The following ESRRB variants were observed in gnomAD, a reference collection of about 807,000 sequenced individuals.
ESRRB encodes the protein estrogen related receptor beta.
ESRRB carries 16 observed loss-of-function variants against 46.0 expected under a neutral mutation model. That is an observed-to-expected ratio of 0.35 (90% confidence interval 0.24 to 0.53). ESRRB has a LOEUF of 0.53. ESRRB is among the 20% of genes least tolerant of loss of function. The pLI is 0.93. For missense variants in ESRRB, 488 were observed against 607.4 expected (o/e 0.80, Z 2.07); for synonymous variants, 246 against 259.6 (o/e 0.95, Z 0.50).
intron 1 of ESRRB, among the ~76,000 whole-genome samples, chr14:76,357,341 C>T (rs1189235656): frequency 6.6e-6 from 1 of 152,146 alleles, no homozygotes; most frequent in East Asian, 1.9e-4. Context: ...GTCATTTCTC[C>T]TCGGACAGCT....
At chr14:76,434,486 A>G (rs1447542425) in intron 1 of ESRRB, among the ~76,000 whole-genome samples, 4 of 151,708 alleles carry the variant, frequency 2.6e-5, no homozygotes, top group African/African-American at 9.7e-5. Context: ...CCCTGTCTCT[A>G]CCAAAAAAAA....
intron 1 of ESRRB, among the ~76,000 whole-genome samples, chr14:76,420,950 C>A (rs1886929227): frequency 6.6e-6 from 1 of 152,144 alleles, no homozygotes; most frequent in Non-Finnish European, 1.5e-5. Flanking sequence ...TGAGGTGTGC[C>A]CAGGTATTCA....
At position 76,500,134 on chromosome 14, in the gene ESRRB, C is replaced by T. The variant is rs1015083652; in HGVS notation, c.*1676C>T. The T allele has an allele frequency of 1.7e-5, 23 of 1,377,340 alleles. No homozygotes were observed. Among genetic ancestry groups the T allele is most frequent in the Admixed American group, 4.2e-5 (2 of 47,718 alleles). The allele number at this position is 1,377,340 out of a possible 1,614,324, so 85.3% of individuals were successfully genotyped here. A position where few individuals can be genotyped will look rare whatever the true frequency, so the allele number is the denominator to read the frequency against. On this transcript the variant is annotated 3_prime_UTR_variant, in exon 7 of 7. Transcript: ENST00000644823. ...CCTTGGCTCTACCCCAGGAACCTCCCGGCCTGGGCTTCTGGGCTGGGACGT... is the reference window on the plus strand; with the variant it reads ...CCTTGGCTCTACCCCAGGAACCTCCTGGCCTGGGCTTCTGGGCTGGGACGT...
intron 1 of ESRRB, among the ~76,000 whole-genome samples, chr14:76,399,877 G>T (rs1885863264): frequency 6.6e-6 from 1 of 152,172 alleles, no homozygotes; most frequent in Non-Finnish European, 1.5e-5. Flanking sequence ...AGATGCTGCC[G>T]TTTCAAGGAG....
intron 1 of ESRRB, among the ~76,000 whole-genome samples, chr14:76,333,149 T>TA (rs1252735882): frequency 0.013 from 185 of 14,304 alleles, 77 homozygotes; most frequent in Middle Eastern, 0.2. Context: ...ATATTATATA[T>TA]TATATATAAT....
At chr14:76,430,047 A>G (rs891162341) in intron 1 of ESRRB, among the ~76,000 whole-genome samples, 2 of 151,820 alleles carry the variant, frequency 1.3e-5, no homozygotes, top group African/African-American at 4.8e-5. Flanking sequence ...CCTCCCATGT[A>G]ATAAGTGCCC....
chr14:76,440,868 T>A (rs1205172892), intron 2 of ESRRB, among the ~76,000 whole-genome samples: 1 of 152,062 alleles, frequency 6.6e-6, no homozygotes, highest in Non-Finnish European at 1.5e-5. Context: ...CCCCCGTCTC[T>A]ACTAAAAATA....
intron 1 of ESRRB, among the ~76,000 whole-genome samples, chr14:76,316,086 A>G (rs1883796569): frequency 6.6e-6 from 1 of 152,196 alleles, no homozygotes; most frequent in African/African-American, 2.4e-5. Context: ...CTGGCTGTGC[A>G]ACCAACAGGG....
intron 3 of ESRRB, among the ~76,000 whole-genome samples, chr14:76,478,384 A>G (rs529187368): frequency 2.0e-3 from 297 of 152,282 alleles, no homozygotes; most frequent in Middle Eastern, 3.4e-3. Context: ...AGATGGAGAC[A>G]TCGGCAGAGG....
intron 1 of ESRRB, among the ~76,000 whole-genome samples, chr14:76,395,458 T>C (rs1196755977): frequency 6.6e-6 from 1 of 152,106 alleles, no homozygotes; most frequent in East Asian, 1.9e-4. Flanking sequence ...AGACAGCCCC[T>C]GTGTGGTGCA....
intron 1 of ESRRB, among the ~76,000 whole-genome samples, chr14:76,319,332 C>T (rs1364259117): frequency 1.3e-5 from 2 of 152,208 alleles, no homozygotes; most frequent in East Asian, 3.8e-4. Context: ...GGCAATTTCT[C>T]ATGCCTCTGA....
At position 76,479,657 on chromosome 14, in the gene ESRRB, T is replaced by C. The variant is rs544804221; in HGVS notation, c.578-2359T>C. Among the ~76,000 whole-genome samples the C allele has an allele frequency of 1.9e-3, 285 of 152,262 alleles. 3 individuals carry two copies. The highest frequency in any genetic ancestry group is 6.7e-3 in the African/African-American group (280 of 41,552). On this transcript the variant is annotated intron_variant, in intron 3 of 6. Coordinates refer to ENST00000644823, the MANE Select transcript of ESRRB (RefSeq NM_001379180.1). ...TACTGGCCAGGGGCTGCCTACACTC[T>C]GCTGGGGAGGCGCTGCTGGTCTGAT...
At chr14:76,406,937 A>G (rs1049787658) in intron 1 of ESRRB, among the ~76,000 whole-genome samples, 2 of 152,236 alleles carry the variant, frequency 1.3e-5, no homozygotes, top group Non-Finnish European at 2.9e-5. Flanking sequence ...TCCTGCGGGC[A>G]GGGAATGTGT....
chr14:76,414,415 G>A (rs1172301361), intron 1 of ESRRB, among the ~76,000 whole-genome samples: 1 of 151,186 alleles, frequency 6.6e-6, no homozygotes, highest in African/African-American at 2.4e-5. Context: ...GGTACTTAGA[G>A]CAGTGCCTGG....
At chr14:76,355,538 C>A (rs1884369407) in intron 1 of ESRRB, among the ~76,000 whole-genome samples, 1 of 152,108 alleles carries the variant, frequency 6.6e-6, no homozygotes, top group Non-Finnish European at 1.5e-5. Context: ...CAAGACTTTC[C>A]CAGGCCAGTC....
chr14:76,501,161 A>T lies in ESRRB; in HGVS notation c.*2703A>T. On this transcript the variant is annotated 3_prime_UTR_variant, in exon 7 of 7. Coordinates refer to ENST00000644823, the MANE Select transcript of ESRRB (RefSeq NM_001379180.1). ...TTTCTGGAAAATCTGTAAAGAGGAA[A>T]CAGCCTGTCTCAGCTGTACTCTCAT... 4.9e-6 allele frequency: 1 copy of T among 202,792 alleles called. No homozygotes were observed. Among genetic ancestry groups the T allele is most frequent in the Non-Finnish European group, 1.0e-5 (1 of 99,054 alleles). The allele number at this position is 202,792 out of a possible 1,614,324, so 12.6% of individuals were successfully genotyped here.
chr14:76,375,130 C>T (rs1046811730), upstream of ESRRB, among the ~76,000 whole-genome samples: 3 of 150,386 alleles, frequency 2.0e-5, no homozygotes, highest in African/African-American at 7.3e-5. Context: ...AGGGCTTTTC[C>T]CCCCTTTTAA....
chr14:76,441,940 G>A (rs539172237), intron 2 of ESRRB, among the ~76,000 whole-genome samples: 2 of 152,138 alleles, frequency 1.3e-5, no homozygotes, highest in Admixed American at 6.5e-5. Context: ...AAGCTTCCCC[G>A]GGATGATTCT....
At position 76,500,786 on chromosome 14, in the gene ESRRB, T is replaced by C; in HGVS notation, c.*2328T>C. The C allele has an allele frequency of 6.4e-7, 1 of 1,569,196 alleles. No homozygotes were observed. Among genetic ancestry groups the C allele is most frequent in the Non-Finnish European group, 8.8e-7 (1 of 1,139,136 alleles). On this transcript the variant is annotated 3_prime_UTR_variant, in exon 7 of 7. Coordinates refer to ENST00000644823, the MANE Select transcript of ESRRB (RefSeq NM_001379180.1). Reference sequence around the variant, plus strand: ...AGCTGCACCTCACTGGATCTAGTGTTGCTGCGAGTGACCTCACTTCAGAGC... The same window carrying C: ...AGCTGCACCTCACTGGATCTAGTGTCGCTGCGAGTGACCTCACTTCAGAGC...
Sources: gnomAD v4.1 joint callset for allele counts (sites outside exome capture counted in the v4.1 genomes callset) on GRCh38, gnomAD v4.1.1 for gene constraint, MANE v1.5 for transcripts, NCBI Gene and HGNC (gene_info 2026-07-23, HGNC 2026-07-21) for gene names.